The following PTPRD variants were observed in gnomAD, a reference collection of about 807,000 sequenced individuals.
The protein encoded by PTPRD is protein tyrosine phosphatase receptor type D.
Under a neutral mutation model 214.5 loss-of-function variants are expected in PTPRD, and 34 were observed. The ratio of observed to expected loss-of-function variants is 0.16; its 90% CI spans 0.12 to 0.21. PTPRD has a LOEUF of 0.21. Ranked by LOEUF, PTPRD falls within the 10% of genes least tolerant of loss-of-function variation. PTPRD has a pLI of 1.00. For synonymous variants in PTPRD, 1,128 were observed against 845.7 expected (o/e 1.33, Z -5.79); for missense variants, 2,545 against 2,398.7 (o/e 1.06, Z -1.27).
At chr9:8,809,439 A>G (rs534286134) in intron 11 of PTPRD, among the ~76,000 whole-genome samples, 1 of 152,292 alleles carries the variant, frequency 6.6e-6, no homozygotes, top group East Asian at 1.9e-4. Context: ...CAGTGGAGCC[A>G]ATAACCCAAT....
intron 14 of PTPRD, among the ~76,000 whole-genome samples, chr9:8,529,376 G>T (rs1412483718): frequency 6.6e-6 from 1 of 152,050 alleles, no homozygotes; most frequent in Middle Eastern, 3.2e-3. Context: ...CGATTACTTT[G>T]TAAGAGCTTC....
chr9:10,271,962 G>C (rs564435439), intron 3 of PTPRD, among the ~76,000 whole-genome samples: 1 of 152,008 alleles, frequency 6.6e-6, no homozygotes, highest in Non-Finnish European at 1.5e-5. Flanking sequence ...ACTTCATGAA[G>C]ATGAAATTTT....
At chr9:9,041,978 G>A (rs952269044) in intron 10 of PTPRD, among the ~76,000 whole-genome samples, 3 of 152,178 alleles carry the variant, frequency 2.0e-5, no homozygotes, top group Non-Finnish European at 4.4e-5. Flanking sequence ...ATATTTCTTA[G>A]AAGGGTGATG....
intron 5 of PTPRD, among the ~76,000 whole-genome samples, chr9:9,888,472 G>C (rs1038520516): frequency 6.6e-6 from 1 of 152,084 alleles, no homozygotes; most frequent in Admixed American, 6.6e-5. Flanking sequence ...GTGGTGTTTG[G>C]GTCATGGGGA....
rs185082875 is a variant in PTPRD at position 9,623,538 on chromosome 9, C to A, written c.-286-48757G>T. 2.0e-5 allele frequency among the ~76,000 whole-genome samples: 3 copies of A among 152,186 alleles called. No homozygotes were observed. The East Asian group carries it at 5.8e-4, about 29-fold the overall frequency. On this transcript the variant is annotated intron_variant, in intron 7 of 45. Transcript: ENST00000381196. ...ATGAATGAATGAGTACCTCATATTA[C>A]CCCCTTTCTAGTAACACCTTTGATT... is the stretch of plus-strand genomic sequence containing the variant.
intron 9 of PTPRD, among the ~76,000 whole-genome samples, chr9:9,254,417 T>C (rs115854912): frequency 1.2e-3 from 184 of 152,208 alleles, no homozygotes; most frequent in African/African-American, 3.9e-3. Context: ...CAAATTTTTA[T>C]TGTTTTTCGT....
At chr9:10,030,018 G>C (rs1340683673) in intron 4 of PTPRD, among the ~76,000 whole-genome samples, 1 of 152,152 alleles carries the variant, frequency 6.6e-6, no homozygotes, top group Non-Finnish European at 1.5e-5. Flanking sequence ...GTTTTTGAAA[G>C]AGTGGGATTT....
At chr9:8,422,819 T>A (rs1370813843) in intron 35 of PTPRD, among the ~76,000 whole-genome samples, 2 of 152,178 alleles carry the variant, frequency 1.3e-5, no homozygotes, top group East Asian at 3.8e-4. Flanking sequence ...TCTCCTTGTG[T>A]CTCAACAGAT....
At chr9:10,359,694 C>T (rs2097340717) in intron 2 of PTPRD, among the ~76,000 whole-genome samples, 1 of 152,064 alleles carries the variant, frequency 6.6e-6, no homozygotes, top group Admixed American at 6.6e-5. Flanking sequence ...GAACTAAGTT[C>T]TGCAGTGTAA....
At chr9:9,058,696 G>A (rs527623670) in intron 10 of PTPRD, among the ~76,000 whole-genome samples, 234 of 151,566 alleles carry the variant, frequency 1.5e-3, no homozygotes, top group Non-Finnish European at 2.5e-3. Context: ...TGATCCGCCC[G>A]CCTCGGCCTC....
chr9:9,474,039 G>T (rs2094830435), intron 8 of PTPRD, among the ~76,000 whole-genome samples: 1 of 151,806 alleles, frequency 6.6e-6, no homozygotes, highest in Non-Finnish European at 1.5e-5. Context: ...TCTATTAGAT[G>T]AACGTCCTGA....
intron 20 of PTPRD, among the ~76,000 whole-genome samples, chr9:8,519,449 T>C (rs1256003138): frequency 6.6e-6 from 1 of 152,182 alleles, no homozygotes; most frequent in African/African-American, 2.4e-5. Context: ...GAAGGGGCAT[T>C]CTAATAGTTG....
Position 9,700,203 on chromosome 9 carries a change from G to A in PTPRD, c.-287+34330C>T, listed in dbSNP as rs1052050287. The stretch of plus-strand genomic sequence containing the variant: ...TCATTTTGTTGTAGTACTGCCCTTC[G>A]GAAATACATTAAACTTCTACATAAA... On this transcript the variant is annotated intron_variant, in intron 7 of 45. Coordinates refer to ENST00000381196, the MANE Select transcript of PTPRD (RefSeq NM_002839.4). Among the ~76,000 whole-genome samples, 55 of 151,612 alleles carry A rather than the reference G, an allele frequency of 3.6e-4. 1 individual carries two copies. Among genetic ancestry groups the A allele is most frequent in the African/African-American group, 1.2e-3 (51 of 41,270 alleles).
intron 4 of PTPRD, among the ~76,000 whole-genome samples, chr9:9,964,057 C>CAGAGACGG (rs1555403171): frequency 2.0e-5 from 3 of 148,054 alleles, no homozygotes; most frequent in South Asian, 4.4e-4. Flanking sequence ...GAGGCAGAGG[C>CAGAGACGG]AGGCAGAGAC....
chr9:9,102,037 T>A (rs1028826651), intron 10 of PTPRD, among the ~76,000 whole-genome samples: 2 of 152,180 alleles, frequency 1.3e-5, no homozygotes, highest in Non-Finnish European at 2.9e-5. Flanking sequence ...AAATGGACCA[T>A]CTGTCAAGAT....
intron 11 of PTPRD, among the ~76,000 whole-genome samples, chr9:8,782,447 T>G (rs530611477): frequency 6.6e-6 from 1 of 152,150 alleles, no homozygotes; most frequent in Non-Finnish European, 1.5e-5. Context: ...CTGAACTTAC[T>G]CCTCCTATCT....
intron 5 of PTPRD, among the ~76,000 whole-genome samples, chr9:9,772,598 A>G (rs2098760997): frequency 7.0e-6 from 1 of 142,768 alleles, no homozygotes; most frequent in East Asian, 4.3e-4. Context: ...AAAGCAATCT[A>G]TTGACCTGAA....
chr9:9,391,276 G>A (rs1480622750), intron 9 of PTPRD, among the ~76,000 whole-genome samples: 1 of 151,998 alleles, frequency 6.6e-6, no homozygotes, highest in Non-Finnish European at 1.5e-5. Flanking sequence ...AAAACTAGAG[G>A]CTATAAACTA....
At chr9:10,443,613 A>C (rs947729077) in intron 2 of PTPRD, among the ~76,000 whole-genome samples, 3 of 151,460 alleles carry the variant, frequency 2.0e-5, no homozygotes, top group African/African-American at 7.3e-5. Context: ...TGCCTCATAG[A>C]TTTTTTTTCT....
Sources: allele counts gnomAD v4.1 joint callset (sites outside exome capture counted in the v4.1 genomes callset), GRCh38; gene constraint gnomAD v4.1.1; transcripts MANE v1.5; gene names NCBI Gene and HGNC (gene_info 2026-07-23, HGNC 2026-07-21).